The following TMPRSS2 variants were observed in gnomAD, a reference collection of about 807,000 sequenced individuals.
TMPRSS2 encodes the protein transmembrane protease serine 2.
A neutral mutation model predicts 67.4 loss-of-function variants in TMPRSS2; 59 were observed. That is an observed-to-expected ratio of 0.88 (90% CI 0.71 to 1.09). The LOEUF (loss-of-function observed/expected upper bound fraction) is 1.09. TMPRSS2 is among the 50% of genes least tolerant of loss of function. The pLI, the probability that TMPRSS2 is intolerant of heterozygous loss-of-function variation, is 0.00. For synonymous variants in TMPRSS2, 257 were observed against 257.0 expected (o/e 1.00, Z 0.00); for missense variants, 668 against 642.7 (o/e 1.04, Z -0.43).
chr21:41,485,728 A>C (rs1022608132), intron 5 of TMPRSS2, among the ~76,000 whole-genome samples: 1 of 152,204 alleles, frequency 6.6e-6, no homozygotes, highest in Non-Finnish European at 1.5e-5. Context: ...CTCAATCTCA[A>C]AAACTCCCAC....
chr21:41,485,521 C>G (rs929163132), intron 5 of TMPRSS2, among the ~76,000 whole-genome samples: 10 of 151,874 alleles, frequency 6.6e-5, no homozygotes, highest in African/African-American at 2.4e-4. Flanking sequence ...TGGTGGCGAG[C>G]ACCTGTAGTC....
chr21:41,480,511 G>A lies in TMPRSS2; in HGVS notation c.537C>T (p.Asn179=). 6.2e-7 allele frequency: 1 copy of A among 1,613,714 alleles called. No homozygotes were observed. The highest frequency in any genetic ancestry group is 8.5e-7 in the Non-Finnish European group (1 of 1,180,052). The change falls in exon 6 of 14, where the codon AAC becomes AAT. Residue 179 remains asparagine, a synonymous_variant. Coordinates refer to ENST00000332149, the MANE Select transcript of TMPRSS2 (RefSeq NM_005656.4). ...HPVCQDDWNE[N]YGRAACRDMG... The stretch of plus-strand genomic sequence containing the variant: ...TGTCCCTGCAGGCCGCCCGCCCGTA[G>A]TTCTCGTTCCAGTCGTCTTGGCACA...
At chr21:41,499,515 C>A (rs2091409156) in intron 1 of TMPRSS2, among the ~76,000 whole-genome samples, 1 of 152,204 alleles carries the variant, frequency 6.6e-6, no homozygotes, top group African/African-American at 2.4e-5. Flanking sequence ...TCAGCCTCCA[C>A]CGTGCCACAG....
intron 5 of TMPRSS2, chr21:41,487,242 A>G (rs1569020871): frequency 6.6e-6 from 1 of 152,286 alleles, no homozygotes. Context: ...TTCCAACAAC[A>G]TAGATGAAGC....
intron 3 of TMPRSS2, among the ~76,000 whole-genome samples, chr21:41,493,757 G>C (rs1282709428): frequency 6.6e-6 from 1 of 152,204 alleles, no homozygotes; most frequent in Admixed American, 6.5e-5. Context: ...GAATGGTAGG[G>C]TGAGGAAGAG....
intron 2 of TMPRSS2, among the ~76,000 whole-genome samples, chr21:41,497,602 C>G (rs1004190941): frequency 1.3e-5 from 2 of 152,212 alleles, no homozygotes; most frequent in African/African-American, 4.8e-5. Context: ...AAACTCTTTA[C>G]TAAATGCACT....
At chr21:41,484,869 AG>A (rs2091283896) in intron 5 of TMPRSS2, among the ~76,000 whole-genome samples, 1 of 152,168 alleles carries the variant, frequency 6.6e-6, no homozygotes, top group Non-Finnish European at 1.5e-5. Flanking sequence ...GGGAAAAAAC[AG>A]GGGGCTCATT....
At chr21:41,476,734 A>G in intron 7 of TMPRSS2, 114 bp from the exon 8 acceptor site, 1 of 946,304 alleles carries the variant, frequency 1.1e-6, no homozygotes. Flanking sequence ...TCTGAGACAT[A>G]GAAGGGTCTG....
In TMPRSS2 at chr21:41,484,397, A is replaced by G. The variant is rs1034124721; in HGVS notation, c.446-3795T>C. ...TAGCAACGGAAGTAGAAAGTGAATT[A>G]GTGTTAAAATATGCGCACACACACC... On this transcript the variant is annotated intron_variant, in intron 5 of 13. Transcript: ENST00000332149. Among the ~76,000 whole-genome samples the G allele has an allele frequency of 4.6e-4, 70 of 152,346 alleles. 2 individuals carry two copies. The highest frequency in any genetic ancestry group is 4.5e-3 in the Admixed American group (69 of 15,302).
At chr21:41,501,676 G>C (rs1044636581) in intron 1 of TMPRSS2, among the ~76,000 whole-genome samples, 1 of 151,384 alleles carries the variant, frequency 6.6e-6, no homozygotes, top group Non-Finnish European at 1.5e-5. Context: ...ATAAAACAAG[G>C]GGGGGAATGT....
chr21:41,485,559 G>A (rs1412575540), intron 5 of TMPRSS2, among the ~76,000 whole-genome samples: 1 of 151,796 alleles, frequency 6.6e-6, no homozygotes, highest in Non-Finnish European at 1.5e-5. Context: ...TGAGGCTGGG[G>A]GATCGCTTAA....
In TMPRSS2 at chr21:41,471,177, G is replaced by A. The variant is rs538276300; in HGVS notation, c.1076-434C>T. ...GTGAATACAGACATGCTGTAGGGAG[G>A]GCTGAGGTTTTGCTTCTTCTGTATC... On this transcript the variant is annotated intron_variant, in intron 10 of 13. Coordinates refer to ENST00000332149, the MANE Select transcript of TMPRSS2 (RefSeq NM_005656.4). Among the ~76,000 whole-genome samples the A allele has an allele frequency of 7.2e-5, 11 of 152,310 alleles. No homozygotes were observed. The East Asian group carries it at 7.7e-4, about 11-fold the overall frequency.
intron 3 of TMPRSS2, among the ~76,000 whole-genome samples, chr21:41,492,808 G>C (rs2091348103): frequency 6.6e-6 from 1 of 152,164 alleles, no homozygotes; most frequent in South Asian, 2.1e-4. Context: ...GCCTTCCTGG[G>C]TTTAGCCATC....
At chr21:41,493,184 C>T (rs2091351855) in intron 3 of TMPRSS2, among the ~76,000 whole-genome samples, 1 of 152,160 alleles carries the variant, frequency 6.6e-6, no homozygotes, top group Non-Finnish European at 1.5e-5. Context: ...CCTACCCAAC[C>T]ACCCCCAGAA....
chr21:41,501,983 G>C (rs1357175266), intron 1 of TMPRSS2, among the ~76,000 whole-genome samples: 2 of 152,268 alleles, frequency 1.3e-5, no homozygotes, highest in East Asian at 1.9e-4. Context: ...AGCAACAGTG[G>C]GTGGCACTCA....
chr21:41,483,347 G>A (rs902298122), intron 5 of TMPRSS2, among the ~76,000 whole-genome samples: 2 of 151,316 alleles, frequency 1.3e-5, no homozygotes, highest in African/African-American at 2.4e-5. Context: ...GCAATGGCAT[G>A]ATCTCAGCTC....
At chr21:41,468,788 G>T (rs1324907001) in intron 11 of TMPRSS2, 1 of 477,962 alleles carries the variant, frequency 2.1e-6, no homozygotes, top group African/African-American at 1.9e-5. Context: ...TCCCAGCTCT[G>T]AAACTATAGG....
At position 41,464,524 on chromosome 21, in the gene TMPRSS2, C is replaced by T. The variant is rs2091069514; in HGVS notation, c.*1618G>A. Reference sequence around the variant, plus strand: ...AGGAAATGGAGGCTGGTCCTACTCACCAGGCAGAACTTCAAAGATGCAGTA... The same window carrying T: ...AGGAAATGGAGGCTGGTCCTACTCATCAGGCAGAACTTCAAAGATGCAGTA... On this transcript the variant is annotated 3_prime_UTR_variant, in exon 14 of 14. Coordinates refer to ENST00000332149, the MANE Select transcript of TMPRSS2 (RefSeq NM_005656.4). 4.9e-6 allele frequency: 1 copy of T among 206,092 alleles called. No individual in the cohort carries two copies. The highest frequency in any genetic ancestry group is 2.3e-5 in the African/African-American group (1 of 43,790). 12.8% of individuals were successfully genotyped at this position (206,092 alleles called of 1,614,324 possible).
At chr21:41,491,098 C>A (rs967023420) in intron 3 of TMPRSS2, among the ~76,000 whole-genome samples, 3 of 151,746 alleles carry the variant, frequency 2.0e-5, no homozygotes, top group African/African-American at 7.3e-5. Context: ...TGTGGTGGTT[C>A]CCATCACCAG....
Sources: allele counts gnomAD v4.1 joint callset (sites outside exome capture counted in the v4.1 genomes callset), GRCh38; gene constraint gnomAD v4.1.1; transcripts MANE v1.5; gene names NCBI Gene and HGNC (gene_info 2026-07-23, HGNC 2026-07-21).